Variants in ANO3 observed in about 807,000 individuals in gnomAD.
ANO3 encodes anoctamin-3.
A neutral mutation model predicts 144.8 loss-of-function variants in ANO3; 99 were observed. That is an observed-to-expected ratio of 0.68 (90% confidence interval 0.58 to 0.81). ANO3 has a LOEUF of 0.81. ANO3 is among the 30% of genes least tolerant of loss of function. The probability of loss-of-function intolerance (pLI) is 0.00; values close to 1 mark genes in which losing one functional copy is unlikely to be tolerated. For missense variants in ANO3, 905 were observed against 1,202.2 expected, an observed-to-expected ratio of 0.75 and a Z score of 3.66; for synonymous variants, 414 against 392.6, an observed-to-expected ratio of 1.05 and a Z score of -0.64.
At chr11:26,512,120 A>G (rs1044381908) in intron 5 of ANO3, among the ~76,000 whole-genome samples, 3 of 152,218 alleles carry the variant, frequency 2.0e-5, no homozygotes, top group African/African-American at 7.2e-5. Flanking sequence ...CACAGAGATC[A>G]TGGGTGGCAT....
At chr11:26,615,414 A>ATATTTT (rs1352935016) in intron 17 of ANO3, among the ~76,000 whole-genome samples, 5 of 130,700 alleles carry the variant, frequency 3.8e-5, no homozygotes, top group African/African-American at 6.0e-5. Context: ...ATATATATAT[A>ATATTTT]TTTTTTTTTT....
At chr11:26,357,186 T>C (rs899862855) in intron 1 of ANO3, among the ~76,000 whole-genome samples, 9 of 152,224 alleles carry the variant, frequency 5.9e-5, no homozygotes, top group Non-Finnish European at 1.0e-4. Context: ...GCTGTGAACA[T>C]TGAGTACAAA....
At chr11:26,293,162 T>G (rs1479224741) in intron 1 of ANO3, among the ~76,000 whole-genome samples, 1 of 152,166 alleles carries the variant, frequency 6.6e-6, no homozygotes, top group Non-Finnish European at 1.5e-5. Context: ...AAAAGGTAAA[T>G]TTTTCTTCTA....
chr11:26,645,355 T>C (rs4923372), intron 23 of ANO3, among the ~76,000 whole-genome samples: 58,519 of 151,682 alleles, frequency 0.39, 11,479 homozygotes, highest in East Asian at 0.5. Context: ...TAATCCACTT[T>C]TCCCATTGAG....
intron 1 of ANO3, among the ~76,000 whole-genome samples, chr11:26,249,751 A>C (rs2133818547): frequency 6.6e-6 from 1 of 152,054 alleles, no homozygotes; most frequent in East Asian, 1.9e-4. Flanking sequence ...GATTTGGTCT[A>C]AGCTAAACTC....
chr11:26,630,237 C>G, intron 18 of ANO3, among the ~76,000 whole-genome samples: 1 of 152,222 alleles, frequency 6.6e-6, no homozygotes, highest in South Asian at 2.1e-4. Flanking sequence ...TGTGGTTCTC[C>G]TTATATAATT....
At chr11:26,481,373 T>A (rs1860209783) in intron 4 of ANO3, among the ~76,000 whole-genome samples, 1 of 152,138 alleles carries the variant, frequency 6.6e-6, no homozygotes, top group Non-Finnish European at 1.5e-5. Context: ...ATACACTGTG[T>A]GATATATAAT....
intron 1 of ANO3, among the ~76,000 whole-genome samples, chr11:26,280,093 C>T (rs980562366): frequency 1.3e-5 from 2 of 152,070 alleles, no homozygotes; most frequent in Admixed American, 6.6e-5. Flanking sequence ...CTTTCACAAC[C>T]ATAGTAAAAT....
At position 26,545,471 on chromosome 11, in the gene ANO3, A is replaced by G. The variant is rs144417043; in HGVS notation, c.1155-1945A>G. On this transcript the variant is annotated intron_variant, in intron 11 of 26. Coordinates refer to ENST00000256737, the MANE Select transcript of ANO3 (RefSeq NM_031418.4). ...TGCAATCTGTTTTTCCATGAAAAAT[A>G]TTTGAAACTAAAAAGAGCACACATT... Among the ~76,000 whole-genome samples the G allele has an allele frequency of 6.6e-5, 10 of 152,168 alleles. No individual in the cohort carries two copies. In the East Asian group the frequency reaches 1.9e-3, roughly 29 times the overall value.
At chr11:26,222,156 G>A (rs1229181738) in intron 1 of ANO3, among the ~76,000 whole-genome samples, 3 of 152,186 alleles carry the variant, frequency 2.0e-5, no homozygotes, top group Non-Finnish European at 4.4e-5. Context: ...TCCAAGATAA[G>A]TCTTACCATC....
intron 17 of ANO3, among the ~76,000 whole-genome samples, chr11:26,612,315 A>C (rs2132969405): frequency 6.6e-6 from 1 of 152,008 alleles, no homozygotes; most frequent in Non-Finnish European, 1.5e-5. Context: ...TAACCTAAAT[A>C]ATCTTGTAGA....
At chr11:26,542,844 AGAAT>A (rs1315914631) in intron 11 of ANO3, among the ~76,000 whole-genome samples, 4 of 134,172 alleles carry the variant, frequency 3.0e-5, no homozygotes, top group Admixed American at 7.9e-5. Context: ...CTATATTTAT[AGAAT>A]GAAAGAAAAA....
intron 18 of ANO3, among the ~76,000 whole-genome samples, chr11:26,631,613 G>A (rs1249160805): frequency 5.9e-5 from 9 of 152,008 alleles, no homozygotes; most frequent in Admixed American, 3.9e-4. Flanking sequence ...ATAATGAAAA[G>A]AAACACAACT....
chr11:26,297,302 C>T (rs1215995829), intron 1 of ANO3, among the ~76,000 whole-genome samples: 16 of 99,958 alleles, frequency 1.6e-4, no homozygotes, highest in African/African-American at 1.1e-3. Context: ...TTAAATTTCA[C>T]TTTATTAGTG....
chr11:26,304,683 A>T (rs145038059), upstream of ANO3, among the ~76,000 whole-genome samples: 9 of 152,290 alleles, frequency 5.9e-5, no homozygotes, highest in African/African-American at 2.2e-4. Flanking sequence ...ATTTTTTACT[A>T]GCTCCATAAG....
chr11:26,654,851 A>G (rs1328323304), intron 24 of ANO3, among the ~76,000 whole-genome samples: 1 of 152,166 alleles, frequency 6.6e-6, no homozygotes, highest in African/African-American at 2.4e-5. Context: ...TAATATGATC[A>G]TATGATTTTC....
intron 1 of ANO3, among the ~76,000 whole-genome samples, chr11:26,395,083 A>C (rs901923261): frequency 6.6e-5 from 10 of 152,112 alleles, no homozygotes; most frequent in African/African-American, 2.2e-4. Context: ...CAATATTTAA[A>C]GTTAGTGTTC....
chr11:26,329,295 T>TAC (rs201501181), upstream of ANO3, among the ~76,000 whole-genome samples: 4,690 of 144,872 alleles, frequency 0.032, 100 homozygotes, highest in African/African-American at 0.059. Flanking sequence ...TTTCTTTCTT[T>TAC]ACACACACAC....
At chr11:26,236,688 G>A (rs1020675696) in intron 1 of ANO3, among the ~76,000 whole-genome samples, 1 of 151,740 alleles carries the variant, frequency 6.6e-6, no homozygotes, top group East Asian at 1.9e-4. Flanking sequence ...CATGGTGGCG[G>A]GCGCCTGTAG....
Sources: gnomAD v4.1 joint callset for allele counts (sites outside exome capture counted in the v4.1 genomes callset) on GRCh38, gnomAD v4.1.1 for gene constraint, MANE v1.5 for transcripts, NCBI Gene and HGNC (gene_info 2026-07-23, HGNC 2026-07-21) for gene names.